ALK: variants seen among roughly 807,000 people sequenced by gnomAD.
ALK encodes ALK receptor tyrosine kinase.
Under a neutral mutation model 163.1 loss-of-function variants are expected in ALK, and 74 were observed. The ratio of observed to expected loss-of-function variants is 0.45; its 90% CI spans 0.38 to 0.55. The LOEUF is 0.55. ALK is among the 20% of genes least tolerant of loss of function. The pLI is 0.00. For missense variants in ALK, 2,063 were observed against 2,105.3 expected, an observed-to-expected ratio of 0.98 and a Z score of 0.39; for synonymous variants, 960 against 843.2, an observed-to-expected ratio of 1.14 and a Z score of -2.40.
At chr2:29,256,064 G>T (rs1172195217) in intron 11 of ALK, among the ~76,000 whole-genome samples, 1 of 152,216 alleles carries the variant, frequency 6.6e-6, no homozygotes, top group Non-Finnish European at 1.5e-5. Flanking sequence ...ATGCTAGGTT[G>T]ATTTTCAAAA....
At chr2:29,343,743 T>G (rs1667868445) in intron 5 of ALK, among the ~76,000 whole-genome samples, 1 of 152,040 alleles carries the variant, frequency 6.6e-6, no homozygotes, top group Non-Finnish European at 1.5e-5. Flanking sequence ...GGAAAGCATA[T>G]GGGGAGACTC....
intron 1 of ALK, among the ~76,000 whole-genome samples, chr2:29,855,680 C>T (rs918435476): frequency 6.6e-6 from 1 of 152,156 alleles, no homozygotes; most frequent in African/African-American, 2.4e-5. Flanking sequence ...ATTTCTATGT[C>T]CCGGTTCTTG....
At chr2:29,852,149 A>G (rs935764645) in intron 1 of ALK, among the ~76,000 whole-genome samples, 17 of 152,200 alleles carry the variant, frequency 1.1e-4, no homozygotes, top group African/African-American at 3.9e-4. Flanking sequence ...CGTTTATCCA[A>G]TGACCTGTGG....
At chr2:29,296,745 G>T in intron 9 of ALK, 143 bp downstream of exon 9, 2 of 864,574 alleles carry the variant, frequency 2.3e-6, no homozygotes, top group Non-Finnish European at 3.7e-6. Flanking sequence ...GTGTGTGCAC[G>T]TGCGTGCACG....
At chr2:29,524,802 TGATGGATGGATGGATG>T (rs375415256) in intron 4 of ALK, among the ~76,000 whole-genome samples, 1 of 151,194 alleles carries the variant, frequency 6.6e-6, no homozygotes, top group African/African-American at 2.4e-5. Flanking sequence ...ATGAATGGAT[TGATGGATGGATGGATG>T]GATGGATGAA....
At chr2:29,726,163 C>A (rs1175841544) in intron 1 of ALK, among the ~76,000 whole-genome samples, 2 of 152,162 alleles carry the variant, frequency 1.3e-5, no homozygotes, top group African/African-American at 4.8e-5. Context: ...CACCCGCACT[C>A]CCTACCCCCG....
intron 28 of ALK, among the ~76,000 whole-genome samples, chr2:29,194,943 G>A (rs1668987785): frequency 1.3e-5 from 2 of 152,196 alleles, no homozygotes; most frequent in South Asian, 4.1e-4. Flanking sequence ...AGAAGCAGCT[G>A]CCAGAAGTTT....
intron 2 of ALK, among the ~76,000 whole-genome samples, chr2:29,695,218 T>C (rs1678519555): frequency 1.3e-5 from 2 of 152,218 alleles, no homozygotes; most frequent in South Asian, 4.1e-4. Flanking sequence ...GTAACTCATA[T>C]TACGGGAGAT....
At chr2:29,578,532 C>A (rs1674588061) in intron 3 of ALK, among the ~76,000 whole-genome samples, 1 of 152,174 alleles carries the variant, frequency 6.6e-6, no homozygotes, top group African/African-American at 2.4e-5. Context: ...TCTGTGGAGT[C>A]CTAAGCTTGA....
chr2:29,677,472 T>C (rs1042951794), intron 3 of ALK, among the ~76,000 whole-genome samples: 3 of 152,026 alleles, frequency 2.0e-5, no homozygotes, highest in Admixed American at 6.6e-5. Context: ...TCCTAGTACA[T>C]AGAGAAATTT....
intron 1 of ALK, among the ~76,000 whole-genome samples, chr2:29,852,838 CTCT>C (rs1666036425): frequency 7.8e-5 from 2 of 25,758 alleles, no homozygotes; most frequent in African/African-American, 2.2e-4. Context: ...AGCTTTCTCT[CTCT>C]CTCTCTCTCT....
intron 3 of ALK, among the ~76,000 whole-genome samples, chr2:29,642,883 T>C (rs143460422): frequency 6.6e-6 from 1 of 152,222 alleles, no homozygotes; most frequent in Admixed American, 6.5e-5. Flanking sequence ...AACTATCATT[T>C]AGTCATTTAT....
chr2:29,525,929 C>A (rs1672948121), intron 4 of ALK, among the ~76,000 whole-genome samples: 1 of 151,952 alleles, frequency 6.6e-6, no homozygotes, highest in East Asian at 1.9e-4. Flanking sequence ...AGAGGACTAG[C>A]ATTTTAGTAG....
At chr2:29,425,549 G>A (rs919065746) in intron 4 of ALK, among the ~76,000 whole-genome samples, 1 of 152,142 alleles carries the variant, frequency 6.6e-6, no homozygotes, top group African/African-American at 2.4e-5. Context: ...CAGCTCATGT[G>A]TAGGATGGAT....
At chr2:29,488,637 A>C (rs981148026) in intron 4 of ALK, among the ~76,000 whole-genome samples, 2 of 152,214 alleles carry the variant, frequency 1.3e-5, no homozygotes, top group African/African-American at 4.8e-5. Context: ...CTTTTTCTTC[A>C]CCATGTACTC....
chr2:29,406,114 C>A (rs1669573856), intron 4 of ALK, among the ~76,000 whole-genome samples: 1 of 152,178 alleles, frequency 6.6e-6, no homozygotes, highest in African/African-American at 2.4e-5. Context: ...AATTGCAGAG[C>A]CGACAAGGCC....
At chr2:29,660,472 C>A (rs1677315386) in intron 3 of ALK, among the ~76,000 whole-genome samples, 1 of 152,062 alleles carries the variant, frequency 6.6e-6, no homozygotes, top group Non-Finnish European at 1.5e-5. Context: ...CCCCTGGATG[C>A]CAGTCACTCA....
chr2:29,572,828 G>T (rs560028914), intron 3 of ALK, among the ~76,000 whole-genome samples: 1 of 152,200 alleles, frequency 6.6e-6, no homozygotes. Flanking sequence ...TCTGTAGGAG[G>T]GGCCTCTTCC....
chr2:29,666,331 A>G (rs1373840835), intron 3 of ALK, among the ~76,000 whole-genome samples: 1 of 151,464 alleles, frequency 6.6e-6, no homozygotes, highest in Admixed American at 6.6e-5. Context: ...TTTTCTCCCC[A>G]CTGCTTTGAA....
Sources: allele counts gnomAD v4.1 joint callset (sites outside exome capture counted in the v4.1 genomes callset), GRCh38; gene constraint gnomAD v4.1.1; transcripts MANE v1.5; gene names NCBI Gene and HGNC (gene_info 2026-07-23, HGNC 2026-07-21).